Variants in MATN2 observed in about 807,000 individuals in gnomAD.
The protein encoded by MATN2 is matrilin 2.
Under a neutral mutation model 103.2 loss-of-function variants are expected in MATN2, and 69 were observed. The observed-to-expected ratio is 0.67, with a 90% CI of 0.55 to 0.82. The LOEUF (loss-of-function observed/expected upper bound fraction) is 0.82. Among genes scored for constraint, MATN2 ranks in the 40% least tolerant of loss-of-function variants. The pLI is 0.00. For missense variants in MATN2, 1,023 were observed against 1,211.5 expected, an observed-to-expected ratio of 0.84 and a Z score of 2.31; for synonymous variants, 429 against 450.2, an observed-to-expected ratio of 0.95 and a Z score of 0.60.
At chr8:97,945,524 A>G (rs1481352331) in intron 4 of MATN2, among the ~76,000 whole-genome samples, 1 of 151,966 alleles carries the variant, frequency 6.6e-6, no homozygotes, top group African/African-American at 2.4e-5. Flanking sequence ...CCGGGAAGAC[A>G]GATAGGTTCC....
chr8:98,021,012 G>A, intron 12 of MATN2, 193 bp from the exon 13 acceptor site: 1 of 488,980 alleles, frequency 2.0e-6, no homozygotes. Flanking sequence ...CAGACTCATG[G>A]GAGCTAGAGC....
At chr8:97,938,961 C>G (rs2130172993) in intron 3 of MATN2, among the ~76,000 whole-genome samples, 1 of 152,212 alleles carries the variant, frequency 6.6e-6, no homozygotes, top group African/African-American at 2.4e-5. Context: ...CCTCTGCCTC[C>G]CGGTTTCAAG....
chr8:97,974,297 C>A (rs1487104320), intron 5 of MATN2, among the ~76,000 whole-genome samples: 1 of 152,020 alleles, frequency 6.6e-6, no homozygotes. Context: ...CACCATCATA[C>A]CTGGCTAATT....
chr8:98,013,734 C>G (rs1813260202), intron 10 of MATN2, among the ~76,000 whole-genome samples: 1 of 152,136 alleles, frequency 6.6e-6, no homozygotes, highest in Non-Finnish European at 1.5e-5. Flanking sequence ...GTATTCATAC[C>G]CTTTACCTAG....
chr8:97,922,604 A>G (rs1289414474), intron 2 of MATN2, among the ~76,000 whole-genome samples: 1 of 152,204 alleles, frequency 6.6e-6, no homozygotes, highest in East Asian at 1.9e-4. Flanking sequence ...TTGGTACTCA[A>G]AGTGCCATGT....
intron 3 of MATN2, among the ~76,000 whole-genome samples, chr8:97,938,372 G>A (rs1586067425): frequency 6.6e-6 from 1 of 152,230 alleles, no homozygotes; most frequent in African/African-American, 2.4e-5. Context: ...AAGTACTGAA[G>A]TTTTGAGGGG....
chr8:98,034,216 A>AC (rs1814153390), intron 18 of MATN2: 1 of 455,872 alleles, frequency 2.2e-6, no homozygotes, highest in Non-Finnish European at 4.4e-6. Context: ...GAAACACTCC[A>AC]CCAAGGGAAC....
chr8:97,884,739 C>T (rs982224560), intron 1 of MATN2, among the ~76,000 whole-genome samples: 1 of 152,102 alleles, frequency 6.6e-6, no homozygotes, highest in Non-Finnish European at 1.5e-5. Context: ...CCACTGCACT[C>T]CTGCCTGGGC....
At chr8:97,989,934 C>T (rs115453123) in intron 6 of MATN2, among the ~76,000 whole-genome samples, 3,370 of 152,136 alleles carry the variant, frequency 0.022, 122 homozygotes, top group African/African-American at 0.077. Context: ...GTAATCCCAG[C>T]ACAATGGGAG....
intron 6 of MATN2, 38 bp from the exon 7 acceptor site, chr8:97,994,442 A>AT: frequency 6.3e-7 from 1 of 1,586,364 alleles, no homozygotes; most frequent in Middle Eastern, 1.7e-4. Flanking sequence ...AGCTTTATTG[A>AT]TTGGTTTGCC....
chr8:98,034,881 T>C (rs1814179597), intron 18 of MATN2, among the ~76,000 whole-genome samples: 1 of 150,298 alleles, frequency 6.7e-6, no homozygotes, highest in South Asian at 2.1e-4. Flanking sequence ...GGCAAACTAA[T>C]TTGCAAGCAT....
Position 97,931,895 on chromosome 8 carries a change from G to A in MATN2, c.712+373G>A, listed in dbSNP as rs554904886. On this transcript the variant is annotated intron_variant, in intron 3 of 18. Coordinates refer to ENST00000254898, the MANE Select transcript of MATN2 (RefSeq NM_002380.5). The surrounding 1 kb of genome is among the most constrained non-coding windows in gnomAD (Gnocchi z 4.1). Reference sequence around the variant, plus strand: ...TTTTTTAACTATTTGTAGAGACAACGTTTCGCCATGTTGCCCAGGCTGATC... The same window carrying A: ...TTTTTTAACTATTTGTAGAGACAACATTTCGCCATGTTGCCCAGGCTGATC... Among the ~76,000 whole-genome samples the A allele has an allele frequency of 6.6e-6, 1 of 152,240 alleles. No homozygotes were observed. Among genetic ancestry groups the A allele is most frequent in the Admixed American group, 6.5e-5 (1 of 15,290 alleles).
intron 13 of MATN2, among the ~76,000 whole-genome samples, chr8:98,026,486 G>C (rs1761984085): frequency 6.6e-6 from 1 of 152,044 alleles, no homozygotes; most frequent in African/African-American, 2.4e-5. Context: ...GAACTCCTGT[G>C]CTCAAGCCAT....
intron 6 of MATN2, among the ~76,000 whole-genome samples, chr8:97,989,063 T>C (rs977260735): frequency 4.6e-5 from 7 of 152,226 alleles, no homozygotes; most frequent in Non-Finnish European, 8.8e-5. Flanking sequence ...ATGTAATTCA[T>C]AATATTAACA....
intron 1 of MATN2, among the ~76,000 whole-genome samples, chr8:97,883,318 A>G (rs1433164641): frequency 6.6e-6 from 1 of 150,764 alleles, no homozygotes; most frequent in Non-Finnish European, 1.5e-5. Flanking sequence ...TATAGTCTGG[A>G]TAGAAATAAT....
intron 12 of MATN2, among the ~76,000 whole-genome samples, chr8:98,019,057 A>G (rs1586162532): frequency 6.7e-6 from 1 of 148,802 alleles, no homozygotes; most frequent in African/African-American, 2.5e-5. Context: ...TATATAATAT[A>G]TATATGTCTT....
intron 5 of MATN2, among the ~76,000 whole-genome samples, chr8:97,972,953 C>A (rs1586108701): frequency 6.6e-6 from 1 of 152,210 alleles, no homozygotes; most frequent in South Asian, 2.1e-4. Flanking sequence ...GAGGTCACCT[C>A]CATACATCTG....
intron 2 of MATN2, among the ~76,000 whole-genome samples, chr8:97,924,085 G>C (rs1381211805): frequency 6.6e-6 from 1 of 151,974 alleles, no homozygotes; most frequent in African/African-American, 2.4e-5. Context: ...AATTCTATAG[G>C]GAATCACTAT....
intron 1 of MATN2, among the ~76,000 whole-genome samples, chr8:97,873,678 G>A (rs1817972720): frequency 1.3e-5 from 2 of 152,106 alleles, no homozygotes; most frequent in African/African-American, 4.8e-5. Flanking sequence ...AGGGGTCAAG[G>A]CTATGGATCA....
Sources: gnomAD v4.1 joint callset for allele counts (sites outside exome capture counted in the v4.1 genomes callset) on GRCh38, gnomAD v4.1.1 for gene constraint, Gnocchi (gnomAD v3.1) non-coding constraint, MANE v1.5 for transcripts, NCBI Gene and HGNC (gene_info 2026-07-23, HGNC 2026-07-21) for gene names.